The following GAK variants were observed in gnomAD, a reference collection of about 807,000 sequenced individuals.
GAK encodes the protein cyclin G associated kinase.
GAK carries 79 observed loss-of-function variants against 143.9 expected under a neutral mutation model. The ratio of observed to expected loss-of-function variants is 0.55; its 90% CI spans 0.46 to 0.66. GAK has a LOEUF of 0.66. Among genes scored for constraint, GAK ranks in the 30% least tolerant of loss-of-function variants. The probability of loss-of-function intolerance (pLI) is 0.00; values close to 1 mark genes in which losing one functional copy is unlikely to be tolerated. For missense variants in GAK, 1,693 were observed against 1,779.7 expected (o/e 0.95, Z 0.88); for synonymous variants, 881 against 765.5 (o/e 1.15, Z -2.49).
chr4:859,343 G>T (rs1749855328), intron 24 of GAK: 3 of 1,421,576 alleles, frequency 2.1e-6, no homozygotes, highest in African/African-American at 1.4e-5. Context: ...TGGCCCTGAG[G>T]ACAGGATGGA....
rs1453566213 is a variant in GAK at position 868,669 on chromosome 4, G to A, written c.2265C>T (p.Pro755=). Residue 755 remains proline (P), a synonymous_variant, in exon 20 of 28, where the codon CCC becomes CCT. Coordinates refer to ENST00000314167, the MANE Select transcript of GAK (RefSeq NM_005255.4). ...ILSKFGKPEL[P]RQPGSTAQYD... is the part of the protein sequence containing the mutation. ...ACTGAGCCGTGGAGCCAGGCTGCCG[G>A]GGAAGCTCCGGCTTCCCTGCAGGAG... 3.9e-6 allele frequency: 6 copies of A among 1,551,770 alleles called. No homozygotes were observed. The highest frequency in any genetic ancestry group is 5.2e-6 in the Non-Finnish European group (6 of 1,148,028).
intron 1 of GAK, among the ~76,000 whole-genome samples, chr4:926,611 G>A (rs1724791698): frequency 6.6e-6 from 1 of 152,202 alleles, no homozygotes; most frequent in African/African-American, 2.4e-5. Context: ...GCCCCTAAGG[G>A]TTGCTGTGGT....
intron 4 of GAK, among the ~76,000 whole-genome samples, chr4:905,535 CGCTACGGACTCCGCCACGCCCCAGGCCAT>C (rs1720918814): frequency 2.7e-5 from 4 of 148,950 alleles, no homozygotes; most frequent in African/African-American, 5.0e-5. Flanking sequence ...CCCCATGCCA[CGCTACGGACTCCGCCACGCCCCAGGCCAT>C]GCTACGGACT....
intron 24 of GAK, chr4:852,468 C>A (rs926602444): frequency 5.8e-6 from 1 of 171,488 alleles, no homozygotes; most frequent in African/African-American, 2.4e-5. Flanking sequence ...GAGACGGAAT[C>A]TCGCTCTGTC....
At chr4:888,529 A>G in intron 11 of GAK, 3 of 320,108 alleles carry the variant, frequency 9.4e-6, no homozygotes, top group Non-Finnish European at 1.7e-5. Context: ...GGTTTCACCC[A>G]ATTTACAGAG....
chr4:928,485 C>T (rs1325742350), intron 1 of GAK, among the ~76,000 whole-genome samples: 4 of 152,170 alleles, frequency 2.6e-5, no homozygotes, highest in African/African-American at 7.2e-5. Context: ...GAGTCGTGAT[C>T]GCTCCACTGC....
In GAK at chr4:867,451, A is replaced by C. The variant is rs749363260; in HGVS notation, c.2396-19T>G. 4 of 1,507,968 alleles carry C rather than the reference A, an allele frequency of 2.7e-6. No individual in the cohort carries two copies. The highest frequency in any genetic ancestry group is 3.6e-6 in the Non-Finnish European group (4 of 1,123,874). The allele number at this position is 1,507,968 out of a possible 1,614,324, so 93.4% of individuals were successfully genotyped here. ...TTCTCTTCTGCGAAAAGGAAACAAA[A>C]CCACAGGCTAGTGAGACCACACGGC... On this transcript the variant is annotated intron_variant, in intron 20 of 27. Coordinates refer to ENST00000314167, the MANE Select transcript of GAK (RefSeq NM_005255.4).
rs561513589 is a variant in GAK, at chr4:881,844, G to C, written c.1661+63C>G. 1.3e-3 allele frequency: 1,926 copies of C among 1,503,270 alleles called. 4 individuals carry two copies. The highest frequency in any genetic ancestry group is 2.2e-3 in the Admixed American group (106 of 49,262). The allele number at this position is 1,503,270 out of a possible 1,614,324, so 93.1% of individuals were successfully genotyped here. On this transcript the variant is annotated intron_variant, in intron 15 of 27. Coordinates refer to ENST00000314167, the MANE Select transcript of GAK (RefSeq NM_005255.4). ...CTGGCCCTCCAGGAGACACCACAGC[G>C]GGGGCGGCAGTGCCACACGGGCCCA...
intron 5 of GAK, among the ~76,000 whole-genome samples, chr4:900,417 G>C (rs1719650711): frequency 6.6e-6 from 1 of 152,240 alleles, no homozygotes; most frequent in Non-Finnish European, 1.5e-5. Flanking sequence ...CAGCAGCAAG[G>C]CCAGTGCTGT....
At chr4:855,701 G>C (rs1749010753) in intron 24 of GAK, among the ~76,000 whole-genome samples, 1 of 152,206 alleles carries the variant, frequency 6.6e-6, no homozygotes, top group African/African-American at 2.4e-5. Flanking sequence ...AGGCAGGGTG[G>C]CTCATACCTG....
Position 888,877 on chromosome 4 carries a change from G to C in GAK, c.1175C>G (p.Thr392Ser). ...TERLFTNLKD[T>S]SSKVIQSVAN... ...GACGGACTGGATGACCTTGGAGGAG[G>C]TGTCCTTGAGGTTGGTGAAGAGCCG... is the stretch of plus-strand genomic sequence containing the variant. Residue 392 changes from threonine to serine, a missense_variant, in exon 11 of 28, where the codon ACC becomes AGC. By Grantham distance (58) the Thr-to-Ser change is moderately conservative. Coordinates refer to ENST00000314167, the MANE Select transcript of GAK (RefSeq NM_005255.4). 6.2e-7 allele frequency: 1 copy of C among 1,610,264 alleles called. No individual in the cohort carries two copies. Among genetic ancestry groups the C allele is most frequent in the Non-Finnish European group, 8.5e-7 (1 of 1,178,786 alleles).
intron 1 of GAK, among the ~76,000 whole-genome samples, chr4:920,538 C>CCTTTTTTTTTTTT (rs1560440258): frequency 2.7e-5 from 2 of 73,774 alleles, no homozygotes; most frequent in Admixed American, 1.2e-4. Context: ...GGTTTAGAGC[C>CCTTTTTTTTTTTT]ATTTTTTTTT....
chr4:889,050 C>T, intron 10 of GAK, 80 bp from the exon 11 acceptor site: 3 of 1,470,864 alleles, frequency 2.0e-6, no homozygotes, highest in South Asian at 1.3e-5. Context: ...TGGGCCCAGG[C>T]CCCAGGCGCT....
chr4:866,872 G>A lies in GAK; in HGVS notation c.2872+84C>T, dbSNP rs578093187. 216 of 1,091,448 alleles carry A rather than the reference G, an allele frequency of 2.0e-4. 1 individual carries two copies. In the South Asian group the frequency reaches 2.1e-3, roughly 11 times the overall value. The allele number at this position is 1,091,448 out of a possible 1,614,324, so 67.6% of individuals were successfully genotyped here. A position where few individuals can be genotyped will look rare whatever the true frequency, so the allele number is the denominator to read the frequency against. ...ACGTTCCCTTCCTGCAAGCACCTTCGAAACACGCCCATGCAGTGAGAATGA... is the reference window on the plus strand; with the variant it reads ...ACGTTCCCTTCCTGCAAGCACCTTCAAAACACGCCCATGCAGTGAGAATGA... On this transcript the variant is annotated intron_variant, in intron 21 of 27. Coordinates refer to ENST00000314167, the MANE Select transcript of GAK (RefSeq NM_005255.4).
intron 23 of GAK, among the ~76,000 whole-genome samples, chr4:864,903 A>G (rs2306249): frequency 0.62 from 94,528 of 152,178 alleles, 29,552 homozygotes; most frequent in South Asian, 0.81. Context: ...GCTCTGGGAC[A>G]CCAAGTCTGT....
chr4:891,778 C>A (rs1332234723), intron 9 of GAK, among the ~76,000 whole-genome samples: 1 of 152,128 alleles, frequency 6.6e-6, no homozygotes, highest in Admixed American at 6.5e-5. Flanking sequence ...TAAAGAGCCA[C>A]CAAGCGAGGG....
rs948861234 is a variant in GAK at position 882,699 on chromosome 4, T to G, written c.1525A>C (p.Met509Leu). 1.2e-6 allele frequency: 2 copies of G among 1,611,944 alleles called. No homozygotes were observed. The highest frequency in any genetic ancestry group is 3.3e-5 in the Admixed American group (2 of 60,012). Reference protein sequence around the residue: ...DHKNVCVVHCMDGRAASAVAV... With the variant: ...DHKNVCVVHCLDGRAASAVAV... ...CAGCCCACGGCCCTCGAGCTCACCA[T>G]GCAGTGCACGACGCAGACGTTCTTG... The change falls in exon 14 of 28, where the codon ATG becomes CTG. Residue 509 changes from methionine to leucine, a missense_variant and splice_region_variant. This residue lies in a region of GAK where 871 missense variants were observed against 991.0 expected (regional missense o/e 0.88). Transcript: ENST00000314167.
chr4:881,881 C>T (rs1334564984), intron 15 of GAK, 26 bp downstream of exon 15: 4 of 1,552,548 alleles, frequency 2.6e-6, no homozygotes, highest in African/African-American at 1.4e-5. Context: ...AGAGCTGTCC[C>T]CTGTCCCCGG....
intron 12 of GAK, 151 bp downstream of exon 12, chr4:883,886 G>A (rs762018747): frequency 8.5e-6 from 6 of 707,580 alleles, no homozygotes; most frequent in Admixed American, 5.6e-5. Context: ...CAGGCCGCCT[G>A]CCTGCCAAGG....
Sources: allele counts gnomAD v4.1 joint callset (sites outside exome capture counted in the v4.1 genomes callset), GRCh38; gene constraint gnomAD v4.1.1; regional missense constraint gnomAD v4.1.1; transcripts MANE v1.5; gene names NCBI Gene and HGNC (gene_info 2026-07-23, HGNC 2026-07-21).